The following CCND3 variants were observed in gnomAD, a reference collection of about 807,000 sequenced individuals.
CCND3 encodes cyclin D3.
In CCND3, 9 loss-of-function variants were observed where a neutral mutation model predicts 28.7. The observed-to-expected ratio is 0.31, with a 90% confidence interval of 0.19 to 0.55. The LOEUF (loss-of-function observed/expected upper bound fraction) is 0.55, where lower values mean the gene tolerates loss of function less well. CCND3 is among the 20% of genes least tolerant of loss of function. CCND3 has a pLI of 0.93. For missense variants in CCND3, 315 were observed against 385.8 expected (o/e 0.82, Z 1.54); for synonymous variants, 164 against 163.9 (o/e 1.00, Z 0.00).
intron 1 of CCND3, among the ~76,000 whole-genome samples, chr6:41,950,853 C>A (rs189190727): frequency 3.3e-5 from 5 of 151,882 alleles, no homozygotes; most frequent in African/African-American, 1.2e-4. Flanking sequence ...GGACTACAGG[C>A]GCCCCCCACC....
At chr6:41,997,197 A>G (rs1762833794) in intron 1 of CCND3, among the ~76,000 whole-genome samples, 1 of 152,146 alleles carries the variant, frequency 6.6e-6, no homozygotes, top group African/African-American at 2.4e-5. Flanking sequence ...CCTCCCACAG[A>G]CCAGGACTCA....
rs551343007 is a variant in CCND3, at chr6:42,044,249, C to T, written c.-46+4252G>A. Among the ~76,000 whole-genome samples, 57 of 152,372 alleles carry T rather than the reference C, an allele frequency of 3.7e-4. No homozygotes were observed. In the South Asian group the frequency reaches 0.012, roughly 31 times the overall value. On this transcript the variant is annotated intron_variant, in intron 1 of 4. Coordinates refer to the CCND3 transcript ENST00000372988. ...TACGGGGGCTTTGCTGGATCAAAAG[C>T]AGTTCTCTGGGCCCCGGTGTGTAAA... is the stretch of plus-strand genomic sequence containing the variant.
At chr6:41,957,552 T>A (rs11970772) in intron 1 of CCND3, among the ~76,000 whole-genome samples, 37,983 of 152,114 alleles carry the variant, frequency 0.25, 5,254 homozygotes, top group South Asian at 0.48. Context: ...AGGATCAATG[T>A]CGCTTAAGGG....
At chr6:41,973,553 G>A (rs1412553586) in intron 1 of CCND3, among the ~76,000 whole-genome samples, 1 of 152,172 alleles carries the variant, frequency 6.6e-6, no homozygotes, top group Non-Finnish European at 1.5e-5. Flanking sequence ...CATGGATGTA[G>A]AATGGAGTAG....
intron 1 of CCND3, among the ~76,000 whole-genome samples, chr6:41,948,845 C>CAAAAAAAAAAAAAAAA (rs112279157): frequency 1.0e-5 from 1 of 95,466 alleles, no homozygotes. Flanking sequence ...GACTCCATCT[C>CAAAAAAAAAAAAAAAA]AAAAAAAAAA....
rs1434657763 is a variant in CCND3 at position 41,939,923 on chromosome 6, GGATAAAGAC to G, written c.414+438_414+446del. On this transcript the variant is annotated intron_variant, in intron 2 of 4. Transcript: ENST00000372991. The surrounding 1 kb of genome is among the most constrained non-coding windows in gnomAD (Gnocchi z 4.2). ...CTTTTCTATCACAAAGTCCACATGA[GGATAAAGAC>G]TCAACCAAGGCAAAACCCCCTCCCC... is the stretch of plus-strand genomic sequence containing the variant. Among the ~76,000 whole-genome samples, 1 of 152,112 alleles carries G rather than the reference GGATAAAGAC, an allele frequency of 6.6e-6. No homozygotes were observed. The highest frequency in any genetic ancestry group is 2.4e-5 in the African/African-American group (1 of 41,430).
chr6:41,969,226 A>C (rs1417121376), intron 1 of CCND3, among the ~76,000 whole-genome samples: 1 of 152,128 alleles, frequency 6.6e-6, no homozygotes, highest in Non-Finnish European at 1.5e-5. Context: ...CAAGAGATCA[A>C]GACTGGGCCA....
chr6:42,022,584 T>G (rs976601562), intron 1 of CCND3, among the ~76,000 whole-genome samples: 2 of 152,080 alleles, frequency 1.3e-5, no homozygotes, highest in Non-Finnish European at 2.9e-5. Context: ...GAGGGGTAAA[T>G]AAAGATCAGG....
At chr6:41,947,940 C>T (rs1401332637) in intron 1 of CCND3, among the ~76,000 whole-genome samples, 1 of 152,076 alleles carries the variant, frequency 6.6e-6, no homozygotes, top group African/African-American at 2.4e-5. Flanking sequence ...ATACTCCCAC[C>T]CCATTTCCCA....
upstream of CCND3, among the ~76,000 whole-genome samples, chr6:41,944,146 C>G (rs554628185): frequency 6.6e-6 from 1 of 151,162 alleles, no homozygotes; most frequent in South Asian, 2.1e-4. Flanking sequence ...GCCTGGACAA[C>G]AAAGCAAGAC....
intron 1 of CCND3, among the ~76,000 whole-genome samples, chr6:42,038,030 CAAAAA>C (rs11286915): frequency 1.2e-5 from 1 of 85,904 alleles, no homozygotes; most frequent in Non-Finnish European, 2.5e-5. Context: ...GACTCGGTCT[CAAAAA>C]AAAAAAAAAA....
chr6:42,038,797 T>G (rs1764296804), intron 1 of CCND3, among the ~76,000 whole-genome samples: 1 of 152,188 alleles, frequency 6.6e-6, no homozygotes, highest in Non-Finnish European at 1.5e-5. Context: ...CATTTAAAAC[T>G]GCTCCGGAAT....
intron 1 of CCND3, among the ~76,000 whole-genome samples, chr6:41,995,828 A>T (rs1273194212): frequency 6.6e-6 from 1 of 151,942 alleles, no homozygotes; most frequent in East Asian, 1.9e-4. Context: ...CCGAGGCAGG[A>T]GGACTGTTTG....
chr6:41,964,041 T>A lies in CCND3; in HGVS notation c.-45-23456A>T, dbSNP rs527577485. On this transcript the variant is annotated intron_variant, in intron 1 of 4. Transcript: ENST00000372988. Reference sequence around the variant, plus strand: ...GCCAGAGGGAAGTAATCAATAAATATTAGTAGAATGGATGAATAAAGTATA... The same window carrying A: ...GCCAGAGGGAAGTAATCAATAAATAATAGTAGAATGGATGAATAAAGTATA... Among the ~76,000 whole-genome samples the A allele has an allele frequency of 2.0e-4, 31 of 152,284 alleles. 1 individual carries two copies. In the South Asian group the frequency reaches 6.4e-3, roughly 32 times the overall value.
chr6:41,986,244 T>C (rs983513569), intron 1 of CCND3, among the ~76,000 whole-genome samples: 4 of 152,042 alleles, frequency 2.6e-5, no homozygotes, highest in Non-Finnish European at 4.4e-5. Flanking sequence ...TTGCTCAAGA[T>C]TGTTTTGGCT....
chr6:41,988,199 G>A (rs1033627561), intron 1 of CCND3, among the ~76,000 whole-genome samples: 1 of 151,924 alleles, frequency 6.6e-6, no homozygotes, highest in Admixed American at 6.6e-5. Context: ...CCAGCTACTC[G>A]GGAGGCTGAG....
chr6:42,036,866 T>C (rs572582922), intron 1 of CCND3, among the ~76,000 whole-genome samples: 187 of 152,344 alleles, frequency 1.2e-3, no homozygotes, highest in South Asian at 2.3e-3. Context: ...AACAAGGCTA[T>C]ACTTCTCATT....
intron 1 of CCND3, among the ~76,000 whole-genome samples, chr6:42,019,285 C>T (rs993811854): frequency 6.6e-6 from 1 of 151,924 alleles, no homozygotes; most frequent in Non-Finnish European, 1.5e-5. Flanking sequence ...GTGAGGAGTT[C>T]GAGACCAGCC....
intron 1 of CCND3, among the ~76,000 whole-genome samples, chr6:41,951,891 G>A (rs1369409445): frequency 1.3e-5 from 2 of 151,814 alleles, no homozygotes; most frequent in Middle Eastern, 3.4e-3. Flanking sequence ...CCTAAGTAGC[G>A]GGGATTACAG....
Sources: allele counts gnomAD v4.1 joint callset (sites outside exome capture counted in the v4.1 genomes callset), GRCh38; gene constraint gnomAD v4.1.1; non-coding constraint Gnocchi (gnomAD v3.1); transcripts MANE v1.5; gene names NCBI Gene and HGNC (gene_info 2026-07-23, HGNC 2026-07-21).